Variants in CTNNA3 observed in about 807,000 individuals in gnomAD.
CTNNA3 encodes catenin alpha-3.
A neutral mutation model predicts 95.7 loss-of-function variants in CTNNA3; 76 were observed. The observed-to-expected ratio is 0.79, with a 90% CI of 0.66 to 0.96. The LOEUF (loss-of-function observed/expected upper bound fraction) is 0.96, where lower values mean the gene tolerates loss of function less well. Ranked by LOEUF, CTNNA3 falls within the 40% of genes least tolerant of loss-of-function variation. The pLI, the probability that CTNNA3 is intolerant of heterozygous loss-of-function variation, is 0.00. For synonymous variants in CTNNA3, 431 were observed against 374.4 expected (o/e 1.15, Z -1.74); for missense variants, 1,191 against 1,089.8 (o/e 1.09, Z -1.31).
Position 66,775,147 on chromosome 10 carries a change from G to A in CTNNA3, c.1128+297C>T, listed in dbSNP as rs1328512102. Among the ~76,000 whole-genome samples the A allele has an allele frequency of 2.0e-5, 3 of 152,200 alleles. No homozygotes were observed. The East Asian group carries it at 5.8e-4, about 29-fold the overall frequency. ...TGCATATTATTAATTTCATTGTATA[G>A]GTTCAAAGCAGCTCAGAGAGCTGAA... On this transcript the variant is annotated intron_variant, in intron 8 of 17. Transcript: ENST00000433211.
intron 9 of CTNNA3, among the ~76,000 whole-genome samples, chr10:66,693,181 T>C (rs971697970): frequency 6.6e-6 from 1 of 151,730 alleles, no homozygotes; most frequent in African/African-American, 2.4e-5. Flanking sequence ...CTGGATAAAG[T>C]CAAGACCCAT....
chr10:66,313,314 C>T (rs1177988262), intron 12 of CTNNA3, among the ~76,000 whole-genome samples: 3 of 152,200 alleles, frequency 2.0e-5, no homozygotes, highest in African/African-American at 7.2e-5. Context: ...GCTTCTGTTT[C>T]ACAGTGTTTG....
intron 3 of CTNNA3, among the ~76,000 whole-genome samples, chr10:67,549,444 C>T (rs539789655): frequency 6.6e-6 from 1 of 152,308 alleles, no homozygotes; most frequent in East Asian, 1.9e-4. Flanking sequence ...AAAGCAAACT[C>T]TGAGCTATAA....
intron 11 of CTNNA3, among the ~76,000 whole-genome samples, chr10:66,485,270 C>T (rs1483403644): frequency 6.6e-6 from 1 of 151,880 alleles, no homozygotes; most frequent in Non-Finnish European, 1.5e-5. Flanking sequence ...CAAAAGGTAT[C>T]CAATTTATAA....
chr10:67,661,337 A>G (rs1207830828), intron 1 of CTNNA3, among the ~76,000 whole-genome samples: 1 of 152,062 alleles, frequency 6.6e-6, no homozygotes, highest in Non-Finnish European at 1.5e-5. Flanking sequence ...GAAGAAAGTC[A>G]GGAAGTTAGG....
intron 13 of CTNNA3, among the ~76,000 whole-genome samples, chr10:66,109,344 C>T (rs190964525): frequency 2.5e-4 from 38 of 152,282 alleles, no homozygotes; most frequent in African/African-American, 8.9e-4. Context: ...GCATTGTTGA[C>T]GTCTTGATCT....
chr10:66,109,792 C>T (rs950547163), intron 13 of CTNNA3, among the ~76,000 whole-genome samples: 2 of 151,326 alleles, frequency 1.3e-5, no homozygotes, highest in African/African-American at 2.4e-5. Context: ...ATAGGTGCAG[C>T]ACACCAACAT....
intron 9 of CTNNA3, among the ~76,000 whole-genome samples, chr10:66,659,566 C>T (rs1846186653): frequency 6.6e-6 from 1 of 152,014 alleles, no homozygotes; most frequent in Non-Finnish European, 1.5e-5. Flanking sequence ...TGTTTTTTTA[C>T]AAATATTCAT....
intron 1 of CTNNA3, among the ~76,000 whole-genome samples, chr10:67,692,177 C>T (rs1308245867): frequency 4.0e-5 from 6 of 151,254 alleles, no homozygotes; most frequent in East Asian, 4.0e-4. Flanking sequence ...TGCCTCTGCC[C>T]GGCCGCCCCT....
At chr10:66,216,062 G>C (rs183972943) in intron 13 of CTNNA3, among the ~76,000 whole-genome samples, 14 of 152,314 alleles carry the variant, frequency 9.2e-5, no homozygotes, top group South Asian at 2.1e-4. Context: ...CTAATCTGCC[G>C]TGTTGACTCT....
intron 15 of CTNNA3, among the ~76,000 whole-genome samples, chr10:66,007,023 G>A (rs551654030): frequency 5.3e-5 from 8 of 151,952 alleles, no homozygotes; most frequent in Admixed American, 1.3e-4. Flanking sequence ...CATGCCCCCC[G>A]CACCCCCACC....
chr10:66,506,684 C>T (rs368303917), intron 11 of CTNNA3, among the ~76,000 whole-genome samples: 19 of 152,032 alleles, frequency 1.2e-4, no homozygotes, highest in African/African-American at 4.3e-4. Flanking sequence ...TTCTTTCATT[C>T]CCCAGCATAC....
chr10:67,306,885 T>A (rs566887121), intron 5 of CTNNA3, among the ~76,000 whole-genome samples: 1 of 152,276 alleles, frequency 6.6e-6, no homozygotes, highest in Non-Finnish European at 1.5e-5. Context: ...GGAAGAGTAT[T>A]CCAGAGGAAA....
chr10:66,117,316 T>C (rs2082383071), intron 13 of CTNNA3, among the ~76,000 whole-genome samples: 1 of 152,202 alleles, frequency 6.6e-6, no homozygotes, highest in Non-Finnish European at 1.5e-5. Context: ...TCTTATTACA[T>C]AGTGTAACAT....
chr10:67,177,235 G>A (rs1316332621), intron 7 of CTNNA3, among the ~76,000 whole-genome samples: 10 of 152,064 alleles, frequency 6.6e-5, no homozygotes, highest in Admixed American at 4.6e-4. Flanking sequence ...CTTATTGAAC[G>A]TTGAGATTCC....
At chr10:67,548,229 T>TC (rs984409747) in intron 3 of CTNNA3, among the ~76,000 whole-genome samples, 31 of 152,200 alleles carry the variant, frequency 2.0e-4, no homozygotes, top group Non-Finnish European at 3.8e-4. Flanking sequence ...CAATGCTAGC[T>TC]CCCCCTTTGC....
intron 5 of CTNNA3, among the ~76,000 whole-genome samples, chr10:67,354,690 A>G (rs1201834933): frequency 1.3e-5 from 2 of 152,068 alleles, no homozygotes; most frequent in Non-Finnish European, 2.9e-5. Context: ...AAAAGTATCC[A>G]TATTAATAAG....
chr10:65,943,712 G>C (rs1351180998), intron 17 of CTNNA3, among the ~76,000 whole-genome samples: 1 of 152,158 alleles, frequency 6.6e-6, no homozygotes, highest in African/African-American at 2.4e-5. Flanking sequence ...CAAAGTGTAT[G>C]GGTGAGCTTT....
Position 66,527,723 on chromosome 10 carries a change from A to C in CTNNA3, c.1375-6950T>G, listed in dbSNP as rs186911596. On this transcript the variant is annotated intron_variant, in intron 10 of 17. Coordinates refer to ENST00000433211, the MANE Select transcript of CTNNA3 (RefSeq NM_013266.4). ...ATTATTAAGTGAAATTGTTTTCTCA[A>C]TTCCCTTTTCAGATTGTTCATTGTT... 6.7e-3 allele frequency among the ~76,000 whole-genome samples: 1,025 copies of C among 152,180 alleles called. 15 individuals carry two copies. Among genetic ancestry groups the C allele is most frequent in the Middle Eastern group, 6.8e-3 (2 of 294 alleles).
Sources: allele counts gnomAD v4.1 joint callset (sites outside exome capture counted in the v4.1 genomes callset), GRCh38; gene constraint gnomAD v4.1.1; transcripts MANE v1.5; gene names NCBI Gene and HGNC (gene_info 2026-07-23, HGNC 2026-07-21).